KCNQ5: variants seen among roughly 807,000 people sequenced by gnomAD.
KCNQ5 encodes potassium voltage-gated channel subfamily KQT member 5.
KCNQ5 carries 30 observed loss-of-function variants against 98.2 expected under a neutral mutation model. The observed-to-expected ratio is 0.31, with a 90% CI of 0.23 to 0.41. KCNQ5 has a LOEUF of 0.41. KCNQ5 is among the 10% of genes least tolerant of loss of function. KCNQ5 has a pLI of 1.00. For synonymous variants in KCNQ5, 458 were observed against 449.4 expected (o/e 1.02, Z -0.24); for missense variants, 835 against 1,182.5 (o/e 0.71, Z 4.31).
chr6:73,021,404 G>C (rs933240810), intron 2 of KCNQ5, among the ~76,000 whole-genome samples: 6 of 152,170 alleles, frequency 3.9e-5, no homozygotes, highest in Non-Finnish European at 7.4e-5. Flanking sequence ...AAGGAAGCCA[G>C]CAGTGATTCT....
intron 1 of KCNQ5, among the ~76,000 whole-genome samples, chr6:72,624,797 TATC>T (rs2098917247): frequency 2.0e-5 from 3 of 152,234 alleles, no homozygotes. Flanking sequence ...GAATGGATAG[TATC>T]ATCTTTTGGG....
In KCNQ5 at chr6:72,860,855, A is replaced by ATGTG. The variant is rs10644054; in HGVS notation, c.399-143037_399-143034dup. ...TTAAGGCATGTGTGTGTGTGTGTGTATGTGTGTGTGTGTGTGTGTATGTTT... is the reference window on the plus strand; with the variant it reads ...TTAAGGCATGTGTGTGTGTGTGTGTATGTGTGTGTGTGTGTGTGTGTGTATGTTT... On this transcript the variant is annotated intron_variant, in intron 1 of 13. Transcript: ENST00000370398. 3.1e-3 allele frequency among the ~76,000 whole-genome samples: 456 copies of ATGTG among 147,808 alleles called. 3 individuals are homozygous for ATGTG. Among genetic ancestry groups the ATGTG allele is most frequent in the South Asian group, 4.1e-3 (19 of 4,662 alleles).
intron 1 of KCNQ5, among the ~76,000 whole-genome samples, chr6:72,716,933 C>T (rs1204977657): frequency 6.6e-6 from 1 of 152,190 alleles, no homozygotes; most frequent in Admixed American, 6.5e-5. Context: ...GTTTATTAAA[C>T]ACCTACTCCA....
intron 1 of KCNQ5, among the ~76,000 whole-genome samples, chr6:72,624,042 G>C (rs2098916886): frequency 6.6e-6 from 1 of 152,226 alleles, no homozygotes; most frequent in Non-Finnish European, 1.5e-5. Context: ...ACGTGAACAT[G>C]TAGCATTAGG....
chr6:72,976,181 C>G (rs1768152827), intron 1 of KCNQ5, among the ~76,000 whole-genome samples: 1 of 152,116 alleles, frequency 6.6e-6, no homozygotes, highest in Non-Finnish European at 1.5e-5. Context: ...TCCAGAGTTT[C>G]TATTTTTCAT....
chr6:72,642,249 T>A (rs1208390366), intron 1 of KCNQ5, among the ~76,000 whole-genome samples: 1 of 151,758 alleles, frequency 6.6e-6, no homozygotes, highest in African/African-American at 2.4e-5. Context: ...CTTTGCCCAT[T>A]AAACATTTTG....
At chr6:72,641,921 T>G (rs1392286658) in intron 1 of KCNQ5, among the ~76,000 whole-genome samples, 1 of 151,844 alleles carries the variant, frequency 6.6e-6, no homozygotes, top group Non-Finnish European at 1.5e-5. Flanking sequence ...CCTTTATTTT[T>G]ATGAACAATT....
chr6:73,166,803 C>T (rs1225463611), intron 10 of KCNQ5, among the ~76,000 whole-genome samples: 8 of 152,176 alleles, frequency 5.3e-5, no homozygotes, highest in Admixed American at 4.6e-4. Flanking sequence ...CCTGGTGTTC[C>T]TTAGCTTGTA....
At chr6:72,807,343 GTAAT>G (rs922268389) in intron 1 of KCNQ5, among the ~76,000 whole-genome samples, 5 of 151,980 alleles carry the variant, frequency 3.3e-5, no homozygotes, top group Non-Finnish European at 4.4e-5. Context: ...TATTTCAAAA[GTAAT>G]TGATTGATTT....
At chr6:73,077,633 C>A (rs1214334938) in intron 4 of KCNQ5, 129 bp from the exon 5 acceptor site, 16 of 1,250,074 alleles carry the variant, frequency 1.3e-5, no homozygotes, top group Non-Finnish European at 1.8e-5. Flanking sequence ...ACATGATGTA[C>A]AATGGATTAT....
chr6:72,645,203 CCAAAAAAAAA>C (rs1299858963), intron 1 of KCNQ5, among the ~76,000 whole-genome samples: 12 of 103,484 alleles, frequency 1.2e-4, no homozygotes, highest in East Asian at 5.1e-4. Flanking sequence ...GACCTTGTCA[CCAAAAAAAAA>C]CAAAAAAAAA....
intron 1 of KCNQ5, among the ~76,000 whole-genome samples, chr6:72,703,243 A>G (rs946422877): frequency 8.5e-5 from 13 of 152,304 alleles, no homozygotes; most frequent in African/African-American, 3.1e-4. Flanking sequence ...TGCCCTTCCC[A>G]GCATCTTATC....
chr6:72,711,366 C>A (rs1387125562), intron 1 of KCNQ5, among the ~76,000 whole-genome samples: 1 of 152,102 alleles, frequency 6.6e-6, no homozygotes, highest in African/African-American at 2.4e-5. Flanking sequence ...CAGTCTGTGC[C>A]ATTTTGTTAT....
At chr6:72,863,144 G>T (rs1443261421) in intron 1 of KCNQ5, among the ~76,000 whole-genome samples, 1 of 152,112 alleles carries the variant, frequency 6.6e-6, no homozygotes, top group East Asian at 1.9e-4. Context: ...TCAGCAACAG[G>T]TGTGCCTTAA....
chr6:73,180,623 T>C (rs747056908), intron 11 of KCNQ5, among the ~76,000 whole-genome samples: 1 of 152,224 alleles, frequency 6.6e-6, no homozygotes, highest in Non-Finnish European at 1.5e-5. Context: ...ACCCCAATCC[T>C]GTCTCTACTC....
At chr6:73,055,003 A>C (rs1298716872) in intron 3 of KCNQ5, 1 of 466,218 alleles carries the variant, frequency 2.1e-6, no homozygotes, top group South Asian at 2.0e-5. Flanking sequence ...TTCAGGATAC[A>C]AAGTCAATGT....
At chr6:72,786,692 T>C (rs915201329) in intron 1 of KCNQ5, among the ~76,000 whole-genome samples, 21 of 152,150 alleles carry the variant, frequency 1.4e-4, no homozygotes, top group African/African-American at 3.9e-4. Flanking sequence ...AACAGAAATC[T>C]GAGAGACCGG....
At chr6:72,655,880 G>T (rs558355261) in intron 1 of KCNQ5, among the ~76,000 whole-genome samples, 94 of 152,258 alleles carry the variant, frequency 6.2e-4, no homozygotes, top group Non-Finnish European at 1.0e-3. Flanking sequence ...GGAACTTATT[G>T]TTATAGTTTA....
intron 1 of KCNQ5, among the ~76,000 whole-genome samples, chr6:72,841,437 C>A (rs1290421180): frequency 6.6e-6 from 1 of 152,000 alleles, no homozygotes; most frequent in Non-Finnish European, 1.5e-5. Flanking sequence ...TCCATGCAGA[C>A]CTTTGTTGCA....
Sources: gnomAD v4.1 joint callset for allele counts (sites outside exome capture counted in the v4.1 genomes callset) on GRCh38, gnomAD v4.1.1 for gene constraint, MANE v1.5 for transcripts, NCBI Gene and HGNC (gene_info 2026-07-23, HGNC 2026-07-21) for gene names.